MATN4: variants seen among roughly 807,000 people sequenced by gnomAD.
MATN4 encodes the protein matrilin-4.
A neutral mutation model predicts 54.6 loss-of-function variants in MATN4; 40 were observed. The observed-to-expected ratio is 0.73, with a 90% CI of 0.57 to 0.95. The LOEUF is 0.95. Ranked by LOEUF, MATN4 falls within the 40% of genes least tolerant of loss-of-function variation. The pLI is 0.00. For synonymous variants in MATN4, 351 were observed against 345.3 expected (o/e 1.02, Z -0.18); for missense variants, 810 against 819.1 (o/e 0.99, Z 0.13).
chr20:45,300,986 C>T lies in MATN4; in HGVS notation c.913G>A (p.Asp305Asn), dbSNP rs1359270240. The T allele has an allele frequency of 1.2e-6, 2 of 1,613,912 alleles. No homozygotes were observed. The highest frequency in any genetic ancestry group is 2.7e-5 in the African/African-American group (2 of 74,928). The change falls in exon 6 of 10, where the codon GAC becomes AAC. Residue 305 changes from aspartate (D) to asparagine (N), a missense_variant. Coordinates refer to ENST00000372756, the MANE Select transcript of MATN4 (RefSeq NM_001393530.1). ...CQVRDLCNGV[D>N]HGCEFQCVSE... ...ACACACTGGAACTCACAGCCATGGT[C>T]CACGCCATTGCAAAGGTCCCGGACT...
chr20:45,308,536 C>G (rs1275912376), upstream of MATN4: 2 of 462,068 alleles, frequency 4.3e-6, no homozygotes, highest in Non-Finnish European at 8.0e-6. Flanking sequence ...CACTCCACAG[C>G]CGGAATTCAT....
rs1985615301 is a variant in MATN4, at chr20:45,293,694, G to A, written c.*73C>T. ...CGGGCCCAGGTTCTGCCTGGCCCCG[G>A]CGCACCGATGGCGCGCAAGGGGCAC... On this transcript the variant is annotated 3_prime_UTR_variant, in exon 10 of 10. Coordinates refer to ENST00000372756, the MANE Select transcript of MATN4 (RefSeq NM_001393530.1). The A allele has an allele frequency of 3.6e-6, 5 of 1,398,728 alleles. No homozygotes were observed. The highest frequency in any genetic ancestry group is 4.9e-5 in the Admixed American group (2 of 41,026). The allele number at this position is 1,398,728 out of a possible 1,614,324, so 86.6% of individuals were successfully genotyped here.
chr20:45,305,438 G>A, intron 2 of MATN4, 72 bp downstream of exon 2: 1 of 1,201,010 alleles, frequency 8.3e-7, no homozygotes, highest in South Asian at 1.3e-5. Flanking sequence ...CCCAGCAGGA[G>A]GAGCTGGCTG....
At chr20:45,297,243 T>C (rs977397389) in intron 8 of MATN4, among the ~76,000 whole-genome samples, 5 of 152,040 alleles carry the variant, frequency 3.3e-5, no homozygotes, top group Non-Finnish European at 7.4e-5. Flanking sequence ...AGTCACATCT[T>C]AAGCCTGGGC....
rs1444365953 is a variant in MATN4, at chr20:45,298,662, C to T, written c.1013-79G>A. ...CTGTCTATCCATCTAGTCGTTCATT[C>T]GCAAACATTTATTATATAACAGACA... On this transcript the variant is annotated intron_variant, in intron 6 of 9. Coordinates refer to ENST00000372756, the MANE Select transcript of MATN4 (RefSeq NM_001393530.1). This position sits in a 1 kb window ranked among gnomAD's most constrained non-coding sequence, Gnocchi z 4.6. The T allele has an allele frequency of 1.0e-5, 12 of 1,166,432 alleles. No homozygotes were observed. Among genetic ancestry groups the T allele is most frequent in the Non-Finnish European group, 1.4e-5 (12 of 828,430 alleles). 72.3% of individuals were successfully genotyped at this position (1,166,432 alleles called of 1,614,324 possible).
At chr20:45,303,082 CAAAA>C (rs79635257) in intron 3 of MATN4, among the ~76,000 whole-genome samples, 2 of 82,924 alleles carry the variant, frequency 2.4e-5, no homozygotes, top group South Asian at 4.4e-4. Flanking sequence ...GACTCTGTCT[CAAAA>C]AAAAAAAAAA....
intron 8 of MATN4, 43 bp from the exon 9 acceptor site, chr20:45,294,058 C>T (rs1287244752): frequency 1.3e-6 from 2 of 1,496,782 alleles, no homozygotes; most frequent in South Asian, 2.3e-5. Context: ...AGAAATTGCC[C>T]TAGCTTTGGC....
rs1985991633 is a variant in MATN4 at position 45,298,291 on chromosome 20, G to C, written c.1305C>G (p.Ser435Arg). 6.2e-7 allele frequency: 1 copy of C among 1,613,322 alleles called. No individual in the cohort carries two copies. Among genetic ancestry groups the C allele is most frequent in the Non-Finnish European group, 8.5e-7 (1 of 1,179,902 alleles). ...GCCGTGCACCCTGCGCCTCGGAGAA[G>C]CTGTGCTCCACCATGTGCCGCAACG... ...GLALRHMVEH[S>R]FSEAQGARPR... The change falls in exon 7 of 10, where the codon AGC becomes AGG. Residue 435 changes from serine to arginine, a missense_variant. By Grantham distance (110) the Ser-to-Arg change is moderately radical. Coordinates refer to ENST00000372756, the MANE Select transcript of MATN4 (RefSeq NM_001393530.1). The surrounding 1 kb of genome is among the most constrained non-coding windows in gnomAD (Gnocchi z 4.6).
At position 45,301,404 on chromosome 20, in the gene MATN4, T is replaced by C. The variant is rs769695250; in HGVS notation, c.683A>G (p.His228Arg). ...LCAEGTHGCE[H>R]HCVNSPGSYF... Reference sequence around the variant, plus strand: ...GGAGCCTGGGGAATTGACGCAGTGGTGCTCACATCCATGGGTCCCTTCAGC... The same window carrying C: ...GGAGCCTGGGGAATTGACGCAGTGGCGCTCACATCCATGGGTCCCTTCAGC... Residue 228 changes from histidine to arginine, a missense_variant, in exon 4 of 10, where the codon CAC becomes CGC. By Grantham distance (29) the His-to-Arg change is conservative. Coordinates refer to ENST00000372756, the MANE Select transcript of MATN4 (RefSeq NM_001393530.1). The C allele has an allele frequency of 2.5e-6, 4 of 1,614,080 alleles. No homozygotes were observed. The highest frequency in any genetic ancestry group is 3.4e-6 in the Non-Finnish European group (4 of 1,180,010).
Position 45,308,213 on chromosome 20 carries a change from C to A in MATN4, c.-73G>T. 2 of 1,614,008 alleles carry A rather than the reference C, an allele frequency of 1.2e-6. No individual in the cohort carries two copies. The highest frequency in any genetic ancestry group is 2.2e-5 in the South Asian group (2 of 91,078). On this transcript the variant is annotated 5_prime_UTR_variant, in exon 1 of 10. Transcript: ENST00000372756. ...ACAGATCAGAGATGCAGCTGCAGAG[C>A]GAAGCCGACAGGCGGAGCCTCCCGG...
At chr20:45,308,052 G>A (rs1440271123) in intron 1 of MATN4, 123 bp downstream of exon 1, 1 of 828,552 alleles carries the variant, frequency 1.2e-6, no homozygotes, top group East Asian at 2.5e-5. Flanking sequence ...CAGAAGTGGG[G>A]AAGGGCACTG....
Position 45,302,087 on chromosome 20 carries a change from A to G in MATN4, c.644-644T>C, listed in dbSNP as rs112013333. Among the ~76,000 whole-genome samples, 208 of 152,232 alleles carry G rather than the reference A, an allele frequency of 1.4e-3. 1 individual carries two copies. Among genetic ancestry groups the G allele is most frequent in the African/African-American group, 4.9e-3 (202 of 41,550 alleles). On this transcript the variant is annotated intron_variant, in intron 3 of 9. Transcript: ENST00000372756. ...CCTGCATACACAAGTGTGTAAACCA[A>G]CGAAGAGGTTGATTAACATGCATGG...
chr20:45,303,280 T>A (rs1355925830), intron 3 of MATN4: 2 of 631,904 alleles, frequency 3.2e-6, no homozygotes, highest in Admixed American at 2.2e-5. Context: ...GATGGAGGTG[T>A]GCTTTTACTG....
intron 6 of MATN4, among the ~76,000 whole-genome samples, chr20:45,299,301 A>C (rs1021414771): frequency 4.6e-5 from 7 of 152,216 alleles, no homozygotes; most frequent in Non-Finnish European, 5.9e-5. Context: ...AGAGCAGAGC[A>C]AGTCAGACAT....
In MATN4 at chr20:45,304,211, G is replaced by A. The variant is rs1986416894; in HGVS notation, c.643+17C>T. The A allele has an allele frequency of 1.4e-6, 2 of 1,480,180 alleles. No homozygotes were observed. Among genetic ancestry groups the A allele is most frequent in the Non-Finnish European group, 1.8e-6 (2 of 1,116,406 alleles). 91.7% of individuals were successfully genotyped at this position (1,480,180 alleles called of 1,614,324 possible). On this transcript the variant is annotated intron_variant, in intron 3 of 9. Coordinates refer to ENST00000372756, the MANE Select transcript of MATN4 (RefSeq NM_001393530.1). ...GATTGAGAGTTCGAGCTTCACTCCA[G>A]CGCCCTCCTAACTCACCACACAGCC...
intron 3 of MATN4, among the ~76,000 whole-genome samples, chr20:45,303,096 AAAAAAAAAG>A (rs1291938671): frequency 2.7e-5 from 4 of 147,804 alleles, no homozygotes; most frequent in Admixed American, 6.8e-5. Context: ...AAAAAAAAAA[AAAAAAAAAG>A]AGAGAGAGAA....
At chr20:45,295,742 G>A (rs1277149215) in intron 8 of MATN4, among the ~76,000 whole-genome samples, 1 of 152,056 alleles carries the variant, frequency 6.6e-6, no homozygotes, top group Non-Finnish European at 1.5e-5. Context: ...TAATTTTTAG[G>A]AACCACTGAT....
chr20:45,295,810 T>C (rs930764243), intron 8 of MATN4, among the ~76,000 whole-genome samples: 5 of 152,212 alleles, frequency 3.3e-5, no homozygotes, highest in Admixed American at 3.3e-4. Context: ...CAGGAGGCCT[T>C]ACAATTAAAA....
In MATN4 at chr20:45,298,617, A is replaced by G. The variant is rs1044410527; in HGVS notation, c.1013-34T>C. ...CCAGAAAAGCTTGAATTGAGGGACC[A>G]GATTCTGGACTGGCAGCAGCTGTCT... On this transcript the variant is annotated intron_variant, in intron 6 of 9. Transcript: ENST00000372756. This position sits in a 1 kb window ranked among gnomAD's most constrained non-coding sequence, Gnocchi z 4.6. 1.3e-6 allele frequency: 2 copies of G among 1,502,276 alleles called. No homozygotes were observed. Among genetic ancestry groups the G allele is most frequent in the African/African-American group, 2.8e-5 (2 of 71,458 alleles). The allele number at this position is 1,502,276 out of a possible 1,614,324, so 93.1% of individuals were successfully genotyped here. A position where few individuals can be genotyped will look rare whatever the true frequency, so the allele number is the denominator to read the frequency against.
Sources: allele counts gnomAD v4.1 joint callset (sites outside exome capture counted in the v4.1 genomes callset), GRCh38; gene constraint gnomAD v4.1.1; non-coding constraint Gnocchi (gnomAD v3.1); transcripts MANE v1.5; gene names NCBI Gene and HGNC (gene_info 2026-07-23, HGNC 2026-07-21).